Variants in NEK4 observed in about 807,000 individuals in gnomAD.
The protein encoded by NEK4 is NIMA related kinase 4, also known as serine/threonine-protein kinase Nek4.
In NEK4, 86 loss-of-function variants were observed where a neutral mutation model predicts 98.4. The ratio of observed to expected loss-of-function variants is 0.87; its 90% CI spans 0.73 to 1.05. The LOEUF is 1.05. Ranked by LOEUF, NEK4 falls within the 50% of genes least tolerant of loss-of-function variation. The pLI, the probability that NEK4 is intolerant of heterozygous loss-of-function variation, is 0.00. For missense variants in NEK4, 898 were observed against 950.3 expected, an observed-to-expected ratio of 0.94 and a Z score of 0.72; for synonymous variants, 328 against 342.2, an observed-to-expected ratio of 0.96 and a Z score of 0.46.
At chr3:52,728,557 C>A (rs1366503347) in intron 15 of NEK4, among the ~76,000 whole-genome samples, 2 of 152,150 alleles carry the variant, frequency 1.3e-5, no homozygotes, top group African/African-American at 2.4e-5. Flanking sequence ...GTTAACTGTA[C>A]AAATTGATTG....
At chr3:52,713,794 CAAAAA>C (rs10554436) in intron 15 of NEK4, among the ~76,000 whole-genome samples, 2 of 83,336 alleles carry the variant, frequency 2.4e-5, no homozygotes, top group African/African-American at 4.7e-5. Context: ...AACTCCCTCT[CAAAAA>C]AAAAAAAAAA....
chr3:52,741,271 T>C, intron 13 of NEK4, 140 bp downstream of exon 13: 1 of 531,924 alleles, frequency 1.9e-6, no homozygotes, highest in Non-Finnish European at 3.3e-6. Flanking sequence ...AGAGACACTT[T>C]TAGCTCCAGC....
At chr3:52,728,821 G>A (rs927007669) in intron 15 of NEK4, among the ~76,000 whole-genome samples, 2 of 152,126 alleles carry the variant, frequency 1.3e-5, no homozygotes, top group South Asian at 2.1e-4. Flanking sequence ...TCCCTGGGGG[G>A]AGGTCTATAA....
At chr3:52,748,496 CT>C (rs1322298799) in intron 8 of NEK4, among the ~76,000 whole-genome samples, 1 of 152,126 alleles carries the variant, frequency 6.6e-6, no homozygotes, top group Non-Finnish European at 1.5e-5. Flanking sequence ...CTCCTCATAA[CT>C]TTTCATAGGT....
intron 8 of NEK4, chr3:52,747,326 G>T: frequency 5.6e-6 from 1 of 178,076 alleles, no homozygotes; most frequent in Non-Finnish European, 1.2e-5. Context: ...ATGGTGGCAC[G>T]CACCTGTAAT....
At chr3:52,750,999 T>C (rs1216373774) in intron 7 of NEK4, among the ~76,000 whole-genome samples, 1 of 152,058 alleles carries the variant, frequency 6.6e-6, no homozygotes, top group Non-Finnish European at 1.5e-5. Flanking sequence ...AGATAAACCT[T>C]GAAAACATCA....
At chr3:52,764,895 A>G (rs1417263161) in intron 4 of NEK4, among the ~76,000 whole-genome samples, 1 of 152,222 alleles carries the variant, frequency 6.6e-6, no homozygotes, top group Admixed American at 6.5e-5. Context: ...ATGGGAATAG[A>G]AAGAGAAGAG....
At chr3:52,742,499 G>T (rs2097388140) in intron 12 of NEK4, among the ~76,000 whole-genome samples, 1 of 152,134 alleles carries the variant, frequency 6.6e-6, no homozygotes, top group Admixed American at 6.5e-5. Flanking sequence ...TATAGTTAAA[G>T]AAATAATACA....
intron 10 of NEK4, 130 bp downstream of exon 10, chr3:52,745,928 GCCC>G (rs2097395290): frequency 5.0e-6 from 4 of 796,002 alleles, no homozygotes; most frequent in Non-Finnish European, 8.2e-6. Flanking sequence ...TCACTATATT[GCCC>G]AGGCCAGTCT....
At chr3:52,730,077 T>C (rs890205781) in intron 15 of NEK4, among the ~76,000 whole-genome samples, 6 of 152,170 alleles carry the variant, frequency 3.9e-5, no homozygotes, top group African/African-American at 1.4e-4. Context: ...CATGGCACTC[T>C]AGCTTGGTGA....
chr3:52,722,892 T>C (rs992582727), intron 15 of NEK4, among the ~76,000 whole-genome samples: 8 of 152,042 alleles, frequency 5.3e-5, no homozygotes, highest in Admixed American at 2.6e-4. Context: ...CGAGACTCTG[T>C]CTCAGAAAAA....
intron 15 of NEK4, chr3:52,733,785 G>A: frequency 2.3e-6 from 1 of 426,898 alleles, no homozygotes; most frequent in Non-Finnish European, 4.7e-6. Flanking sequence ...AATTCATGTG[G>A]CAAGGTGAAT....
chr3:52,767,114 T>C (rs906383014), intron 2 of NEK4, among the ~76,000 whole-genome samples: 4 of 151,248 alleles, frequency 2.6e-5, no homozygotes, highest in Admixed American at 6.6e-5. Flanking sequence ...CAAAACCCCA[T>C]CTCTACTAAA....
In NEK4 at chr3:52,768,644, C is replaced by T. The variant is rs142583837; in HGVS notation, c.94-40G>A. Reference sequence around the variant, plus strand: ...TGTATTTTTACAATGTGCAAATAAACGTAAGATTTGTGGCCTCAGAGTTAT... The same window carrying T: ...TGTATTTTTACAATGTGCAAATAAATGTAAGATTTGTGGCCTCAGAGTTAT... On this transcript the variant is annotated intron_variant, in intron 1 of 15. Transcript: ENST00000233027. The T allele has an allele frequency of 2.5e-3, 4,032 of 1,598,840 alleles. 123 individuals are homozygous for T. In the East Asian group the frequency reaches 0.069, roughly 27 times the overall value.
At chr3:52,713,350 T>A (rs1431250943) in intron 15 of NEK4, among the ~76,000 whole-genome samples, 1 of 152,224 alleles carries the variant, frequency 6.6e-6, no homozygotes, top group South Asian at 2.1e-4. Context: ...GCCTAGGCTG[T>A]CTCATCCTTA....
At position 52,766,713 on chromosome 3, in the gene NEK4, GCA is replaced by G. The variant is rs1485964794; in HGVS notation, c.361-340_361-339del. On this transcript the variant is annotated intron_variant, in intron 2 of 15. Coordinates refer to ENST00000233027, the MANE Select transcript of NEK4 (RefSeq NM_003157.6). The stretch of plus-strand genomic sequence containing the variant: ...TTAAAAATATGTTTACAAGCCGGGC[GCA>G]GTGGCTCACGCCTGTAATCCCAGCA... Among the ~76,000 whole-genome samples, 465 of 152,302 alleles carry G rather than the reference GCA, an allele frequency of 3.1e-3. 3 individuals are homozygous for G. Among genetic ancestry groups the G allele is most frequent in the Middle Eastern group, 6.8e-3 (2 of 294 alleles).
intron 5 of NEK4, among the ~76,000 whole-genome samples, chr3:52,761,339 C>T (rs1313890476): frequency 2.0e-5 from 3 of 152,096 alleles, no homozygotes; most frequent in South Asian, 2.1e-4. Context: ...AGTGTAGTGG[C>T]GTGATCTCAG....
chr3:52,724,417 G>T (rs2097362725), intron 15 of NEK4, among the ~76,000 whole-genome samples: 1 of 152,078 alleles, frequency 6.6e-6, no homozygotes, highest in Admixed American at 6.6e-5. Context: ...AATGCTAAAA[G>T]AAAAAATACC....
chr3:52,715,506 C>CCTGCCCAG (rs2097354334), intron 15 of NEK4, among the ~76,000 whole-genome samples: 1 of 152,220 alleles, frequency 6.6e-6, no homozygotes, highest in Non-Finnish European at 1.5e-5. Context: ...CTTGCCTCAG[C>CCTGCCCAG]CTGCCCAGTA....
Sources: gnomAD v4.1 joint callset for allele counts (sites outside exome capture counted in the v4.1 genomes callset) on GRCh38, gnomAD v4.1.1 for gene constraint, MANE v1.5 for transcripts, NCBI Gene and HGNC (gene_info 2026-07-23, HGNC 2026-07-21) for gene names.